TMPRSS11D: variants seen among roughly 807,000 people sequenced by gnomAD.
The protein encoded by TMPRSS11D is transmembrane serine protease 11D.
TMPRSS11D carries 32 observed loss-of-function variants against 44.4 expected under a neutral mutation model. The observed-to-expected ratio is 0.72, with a 90% confidence interval of 0.54 to 0.97. The LOEUF (loss-of-function observed/expected upper bound fraction) is 0.97. TMPRSS11D is among the 50% of genes least tolerant of loss of function. The probability of loss-of-function intolerance (pLI) is 0.00; values close to 1 mark genes in which losing one functional copy is unlikely to be tolerated. For synonymous variants in TMPRSS11D, 179 were observed against 177.9 expected (o/e 1.01, Z -0.05); for missense variants, 446 against 502.6 (o/e 0.89, Z 1.08).
chr4:67,864,480 C>T (rs12499779), intron 1 of TMPRSS11D, among the ~76,000 whole-genome samples: 36,628 of 151,650 alleles, frequency 0.24, 4,833 homozygotes, highest in East Asian at 0.36. Context: ...TCTTATAAAA[C>T]AAAGAAATGA....
At chr4:67,831,562 C>T (rs750475318) in intron 7 of TMPRSS11D, among the ~76,000 whole-genome samples, 4 of 152,130 alleles carry the variant, frequency 2.6e-5, no homozygotes, top group Non-Finnish European at 5.9e-5. Context: ...GGCTTAGAAT[C>T]CAGGGAGGTT....
At chr4:67,850,710 C>T (rs995368841) in intron 3 of TMPRSS11D, among the ~76,000 whole-genome samples, 7 of 152,178 alleles carry the variant, frequency 4.6e-5, no homozygotes, top group South Asian at 4.1e-4. Context: ...ATGCCTCCAA[C>T]GGGAGCTGTG....
chr4:67,823,078 A>G (rs938890019), intron 9 of TMPRSS11D, among the ~76,000 whole-genome samples: 4 of 152,192 alleles, frequency 2.6e-5, no homozygotes, highest in African/African-American at 9.7e-5. Flanking sequence ...ATAAGGTCCA[A>G]CACGAAAGAG....
intron 4 of TMPRSS11D, 134 bp from the exon 5 acceptor site, chr4:67,838,463 A>C: frequency 1.2e-6 from 1 of 806,440 alleles, no homozygotes; most frequent in South Asian, 2.5e-5. Context: ...TCTCTGTAAC[A>C]GTGTTTGCAT....
At chr4:67,850,267 A>G (rs1399739521) in intron 3 of TMPRSS11D, among the ~76,000 whole-genome samples, 1 of 152,190 alleles carries the variant, frequency 6.6e-6, no homozygotes, top group Non-Finnish European at 1.5e-5. Context: ...TAGGTGTTTT[A>G]ACTAGAAAGC....
chr4:67,854,936 A>G (rs1718597022), intron 2 of TMPRSS11D, among the ~76,000 whole-genome samples: 1 of 152,186 alleles, frequency 6.6e-6, no homozygotes, highest in African/African-American at 2.4e-5. Context: ...TTATTCTGAG[A>G]GAAAACCAGA....
In TMPRSS11D at chr4:67,851,728, C is replaced by T. The variant is rs965438915; in HGVS notation, c.249+2340G>A. Reference sequence around the variant, plus strand: ...CTCCCTGAACAACCTGCTTTCATTTCGGTTTCCTCTTCTAGCCAATGGCAC... The same window carrying T: ...CTCCCTGAACAACCTGCTTTCATTTTGGTTTCCTCTTCTAGCCAATGGCAC... On this transcript the variant is annotated intron_variant, in intron 3 of 9. Transcript: ENST00000283916. Among the ~76,000 whole-genome samples, 5 of 151,800 alleles carry T rather than the reference C, an allele frequency of 3.3e-5. 1 individual carries two copies. Among genetic ancestry groups the T allele is most frequent in the East Asian group, 1.9e-4 (1 of 5,144 alleles).
At chr4:67,835,056 CA>C (rs1242585605) in intron 6 of TMPRSS11D, 26 bp downstream of exon 6, 1 of 1,606,976 alleles carries the variant, frequency 6.2e-7, no homozygotes. Context: ...TGGCAAATTA[CA>C]GTTACAAAAT....
chr4:67,882,777 A>T (rs1719350467), intron 1 of TMPRSS11D, among the ~76,000 whole-genome samples: 1 of 152,086 alleles, frequency 6.6e-6, no homozygotes, highest in African/African-American at 2.4e-5. Flanking sequence ...AACAAACCTG[A>T]TTAATGTTCT....
At chr4:67,850,645 T>G (rs983637627) in intron 3 of TMPRSS11D, among the ~76,000 whole-genome samples, 1 of 152,122 alleles carries the variant, frequency 6.6e-6, no homozygotes, top group Non-Finnish European at 1.5e-5. Context: ...GGAGGGTTTA[T>G]GTAGTAAAGG....
intron 9 of TMPRSS11D, 129 bp from the exon 10 acceptor site, chr4:67,822,627 T>A (rs1662170165): frequency 8.0e-6 from 8 of 995,684 alleles, no homozygotes; most frequent in Non-Finnish European, 1.2e-5. Context: ...TATTTCCTTT[T>A]GAAATATTAT....
At chr4:67,873,048 G>A (rs1347453540) in intron 1 of TMPRSS11D, among the ~76,000 whole-genome samples, 1 of 152,116 alleles carries the variant, frequency 6.6e-6, no homozygotes, top group African/African-American at 2.4e-5. Flanking sequence ...TTCATCAACT[G>A]TCATGTGTCA....
intron 5 of TMPRSS11D, 37 bp from the exon 6 acceptor site, chr4:67,835,158 A>G (rs1470361385): frequency 1.3e-6 from 2 of 1,549,150 alleles, no homozygotes; most frequent in Non-Finnish European, 1.8e-6. Context: ...AAATACAATA[A>G]AGGCTGATAT....
At chr4:67,852,454 A>C (rs1428052552) in intron 3 of TMPRSS11D, among the ~76,000 whole-genome samples, 1 of 152,144 alleles carries the variant, frequency 6.6e-6, no homozygotes, top group Non-Finnish European at 1.5e-5. Context: ...ATTTCTAACA[A>C]GTTTCTAGGT....
At chr4:67,853,878 C>A (rs1403156743) in intron 3 of TMPRSS11D, among the ~76,000 whole-genome samples, 190 bp downstream of exon 3, 1 of 152,058 alleles carries the variant, frequency 6.6e-6, no homozygotes, top group Non-Finnish European at 1.5e-5. Context: ...TTACTCATGA[C>A]AAAGATGTGA....
At chr4:67,857,271 G>GTA (rs1214467886) in intron 2 of TMPRSS11D, among the ~76,000 whole-genome samples, 6 of 70,060 alleles carry the variant, frequency 8.6e-5, no homozygotes, top group African/African-American at 2.6e-4. Flanking sequence ...AGAAAATATG[G>GTA]TATATATATA....
At position 67,857,292 on chromosome 4, in the gene TMPRSS11D, T is replaced by G. The variant is rs1183980785; in HGVS notation, c.130+2265A>C. Among the ~76,000 whole-genome samples, 15 of 1,950 alleles carry G rather than the reference T, an allele frequency of 7.7e-3. 1 individual carries two copies. In the South Asian group the frequency reaches 0.18, roughly 23 times the overall value. 1.3% of individuals were successfully genotyped at this position (1,950 alleles called of 152,430 possible). A position where few individuals can be genotyped will look rare whatever the true frequency, so the allele number is the denominator to read the frequency against. On this transcript the variant is annotated intron_variant, in intron 2 of 9. Coordinates refer to ENST00000283916, the MANE Select transcript of TMPRSS11D (RefSeq NM_004262.3). ...TATGGTATATATATATATATATATA[T>G]ATATATATATATATATATATATATA...
intron 1 of TMPRSS11D, among the ~76,000 whole-genome samples, chr4:67,869,987 T>A (rs935341539): frequency 3.3e-5 from 5 of 152,138 alleles, no homozygotes; most frequent in African/African-American, 1.2e-4. Context: ...TGGAAGGAAG[T>A]CTCTAATTAA....
intron 1 of TMPRSS11D, among the ~76,000 whole-genome samples, chr4:67,868,970 T>C (rs920744763): frequency 3.9e-5 from 6 of 152,220 alleles, no homozygotes; most frequent in African/African-American, 1.2e-4. Flanking sequence ...TGCTAGAGAA[T>C]TCAGTGCCAA....
Sources: gnomAD v4.1 joint callset for allele counts (sites outside exome capture counted in the v4.1 genomes callset) on GRCh38, gnomAD v4.1.1 for gene constraint, MANE v1.5 for transcripts, NCBI Gene and HGNC (gene_info 2026-07-23, HGNC 2026-07-21) for gene names.